Variants in THSD4 observed in about 807,000 individuals in gnomAD.
The protein encoded by THSD4 is thrombospondin type 1 domain containing 4.
THSD4 carries 69 observed loss-of-function variants against 119.0 expected under a neutral mutation model. The observed-to-expected ratio is 0.58, with a 90% confidence interval of 0.48 to 0.71. The LOEUF is 0.71. Among genes scored for constraint, THSD4 ranks in the 30% least tolerant of loss-of-function variants. The probability of loss-of-function intolerance (pLI) is 0.00; values close to 1 mark genes in which losing one functional copy is unlikely to be tolerated. For missense variants in THSD4, 1,393 were observed against 1,391.1 expected, an observed-to-expected ratio of 1.00 and a Z score of -0.02; for synonymous variants, 524 against 540.4, an observed-to-expected ratio of 0.97 and a Z score of 0.42.
intron 7 of THSD4, among the ~76,000 whole-genome samples, chr15:71,576,875 T>TA (rs2049457149): frequency 6.6e-6 from 1 of 152,228 alleles, no homozygotes. Flanking sequence ...GTTATACCCT[T>TA]AAGCTTGATA....
chr15:71,760,290 G>A (rs943839077), intron 15 of THSD4, among the ~76,000 whole-genome samples: 1 of 152,168 alleles, frequency 6.6e-6, no homozygotes, highest in African/African-American at 2.4e-5. Context: ...GGCTGGCAGT[G>A]GCCCTACTGA....
intron 8 of THSD4, among the ~76,000 whole-genome samples, chr15:71,677,690 T>G (rs1198673926): frequency 2.0e-5 from 3 of 152,220 alleles, no homozygotes; most frequent in Non-Finnish European, 4.4e-5. Context: ...TCACATTTTC[T>G]GCTTTGTATT....
intron 7 of THSD4, among the ~76,000 whole-genome samples, chr15:71,632,504 C>G (rs1186034654): frequency 2.6e-5 from 4 of 152,250 alleles, no homozygotes; most frequent in Non-Finnish European, 2.9e-5. Context: ...CTGTGGTCCT[C>G]CAGCATGTTG....
intron 7 of THSD4, among the ~76,000 whole-genome samples, chr15:71,606,082 G>T (rs544201506): frequency 6.6e-6 from 1 of 152,348 alleles, no homozygotes; most frequent in South Asian, 2.1e-4. Context: ...TAGTGATTTG[G>T]CATCACTGGT....
chr15:71,626,524 C>G (rs2050513644), intron 7 of THSD4, among the ~76,000 whole-genome samples: 1 of 152,116 alleles, frequency 6.6e-6, no homozygotes, highest in African/African-American at 2.4e-5. Context: ...AATTTTTACA[C>G]TAAATATGCA....
At chr15:71,592,218 G>C (rs1056552068) in intron 7 of THSD4, among the ~76,000 whole-genome samples, 1 of 152,232 alleles carries the variant, frequency 6.6e-6, no homozygotes, top group Non-Finnish European at 1.5e-5. Flanking sequence ...GAGGAAGTTT[G>C]GATCTTTTGG....
intron 1 of THSD4, among the ~76,000 whole-genome samples, chr15:71,101,593 A>T (rs904591096): frequency 7.9e-5 from 12 of 152,218 alleles, no homozygotes; most frequent in Non-Finnish European, 1.2e-4. Flanking sequence ...AGCATTTCTT[A>T]TGGAACAAGT....
At chr15:71,666,279 T>C (rs1427959358) in intron 8 of THSD4, among the ~76,000 whole-genome samples, 1 of 152,160 alleles carries the variant, frequency 6.6e-6, no homozygotes, top group African/African-American at 2.4e-5. Context: ...TTTTAAATGA[T>C]TTTTTAAGCC....
At chr15:71,362,569 A>C (rs2045905796) in intron 6 of THSD4, among the ~76,000 whole-genome samples, 1 of 152,216 alleles carries the variant, frequency 6.6e-6, no homozygotes, top group African/African-American at 2.4e-5. Context: ...GGAAGCAAAT[A>C]TGACAAAATG....
intron 7 of THSD4, among the ~76,000 whole-genome samples, chr15:71,553,663 A>G (rs1344931389): frequency 1.3e-5 from 2 of 152,216 alleles, no homozygotes; most frequent in Non-Finnish European, 1.5e-5. Flanking sequence ...ATCACTAAGT[A>G]TGATACCTGT....
At chr15:71,458,177 T>G (rs1187921298) in intron 7 of THSD4, among the ~76,000 whole-genome samples, 2 of 152,248 alleles carry the variant, frequency 1.3e-5, no homozygotes, top group Admixed American at 6.5e-5. Context: ...GTTGCTAGTA[T>G]TTCTCTTTCA....
intron 7 of THSD4, among the ~76,000 whole-genome samples, chr15:71,441,481 GTTTT>G (rs144658901): frequency 1.5e-5 from 2 of 132,204 alleles, no homozygotes; most frequent in African/African-American, 5.8e-5. Context: ...GCCCCCTGGG[GTTTT>G]TTTTTTTTTA....
At chr15:71,711,011 A>G (rs2052500693) in intron 8 of THSD4, among the ~76,000 whole-genome samples, 1 of 151,900 alleles carries the variant, frequency 6.6e-6, no homozygotes, top group South Asian at 2.1e-4. Flanking sequence ...TGAGGTTAAA[A>G]GAAAAAGCCA....
At chr15:71,334,771 T>C (rs187003801) in intron 6 of THSD4, among the ~76,000 whole-genome samples, 47 of 152,338 alleles carry the variant, frequency 3.1e-4, no homozygotes, top group African/African-American at 1.1e-3. Context: ...TGTTGCAGGA[T>C]AGACCTGTGG....
chr15:71,607,158 A>C (rs1367755704), intron 7 of THSD4, among the ~76,000 whole-genome samples: 1 of 152,202 alleles, frequency 6.6e-6, no homozygotes, highest in African/African-American at 2.4e-5. Flanking sequence ...ATATGGATCC[A>C]GGAGTCTCTG....
intron 3 of THSD4, among the ~76,000 whole-genome samples, chr15:71,200,904 G>A (rs549856669): frequency 2.1e-4 from 32 of 152,286 alleles, no homozygotes; most frequent in African/African-American, 6.3e-4. Flanking sequence ...GCGAGCAGCC[G>A]CCTTTCCCAT....
intron 8 of THSD4, among the ~76,000 whole-genome samples, chr15:71,716,468 T>C (rs1222022833): frequency 6.6e-6 from 1 of 152,134 alleles, no homozygotes; most frequent in Non-Finnish European, 1.5e-5. Context: ...TGCTGTAGGA[T>C]TGCACTGTAG....
chr15:71,344,031 C>T (rs1339144130), intron 6 of THSD4, among the ~76,000 whole-genome samples: 2 of 147,138 alleles, frequency 1.4e-5, no homozygotes, highest in African/African-American at 5.0e-5. Flanking sequence ...TGCACCCAGC[C>T]AGGATTCTTT....
chr15:71,555,969 G>A (rs1395744185), intron 7 of THSD4, among the ~76,000 whole-genome samples: 2 of 151,952 alleles, frequency 1.3e-5, no homozygotes, highest in Non-Finnish European at 2.9e-5. Flanking sequence ...CCATATATAT[G>A]TCTATCTTTT....
Sources: allele counts gnomAD v4.1 joint callset (sites outside exome capture counted in the v4.1 genomes callset), GRCh38; gene constraint gnomAD v4.1.1; transcripts MANE v1.5; gene names NCBI Gene and HGNC (gene_info 2026-07-23, HGNC 2026-07-21).